Variants in YIF1A observed in about 807,000 individuals in gnomAD.
The protein encoded by YIF1A is Yip1 interacting factor homolog A, membrane trafficking protein, also known as protein YIF1A.
Under a neutral mutation model 32.6 loss-of-function variants are expected in YIF1A, and 28 were observed. That is an observed-to-expected ratio of 0.86 (90% confidence interval 0.64 to 1.18). The LOEUF (loss-of-function observed/expected upper bound fraction) is 1.18, where lower values mean the gene tolerates loss of function less well. Among genes scored for constraint, YIF1A ranks in the 50% most tolerant of loss-of-function variants. The probability of loss-of-function intolerance (pLI) is 0.00; values close to 1 mark genes in which losing one functional copy is unlikely to be tolerated. For synonymous variants in YIF1A, 175 were observed against 162.2 expected (o/e 1.08, Z -0.60); for missense variants, 373 against 390.8 (o/e 0.95, Z 0.38).
chr11:66,287,555 G>T, intron 4 of YIF1A, 43 bp downstream of exon 4: 1 of 640,110 alleles, frequency 1.6e-6, no homozygotes. Flanking sequence ...AGTCCCCCCC[G>T]ACCCCACCCC....
rs1336308823 is a variant in YIF1A at position 66,288,999 on chromosome 11, G to C, written c.-14C>G. 1 of 1,578,052 alleles carries C rather than the reference G, an allele frequency of 6.3e-7. No homozygotes were observed. The highest frequency in any genetic ancestry group is 8.5e-7 in the Non-Finnish European group (1 of 1,170,264). On this transcript the variant is annotated 5_prime_UTR_variant, in exon 1 of 8. Coordinates refer to ENST00000376901, the MANE Select transcript of YIF1A (RefSeq NM_020470.3). ...GTGATAAGCCATGGCCGCGACGCTC[G>C]CTGTCCCCGAGGGCCCGCTGCGCCG...
chr11:66,286,315 C>T (rs1857356492), intron 4 of YIF1A, among the ~76,000 whole-genome samples: 1 of 152,216 alleles, frequency 6.6e-6, no homozygotes, highest in Non-Finnish European at 1.5e-5. Context: ...GTCTTCTGCC[C>T]CGCTTAAAGC....
chr11:66,285,673 G>T, intron 5 of YIF1A, 28 bp downstream of exon 5: 1 of 1,613,134 alleles, frequency 6.2e-7, no homozygotes. Flanking sequence ...ACAGGGAGGG[G>T]AGGGTAAGGG....
intron 1 of YIF1A, 54 bp from the exon 2 acceptor site, chr11:66,288,346 A>G: frequency 6.2e-7 from 1 of 1,605,440 alleles, no homozygotes; most frequent in South Asian, 1.1e-5. Flanking sequence ...CATGAGCCCA[A>G]ACCACCGCCC....
chr11:66,285,738 C>CGTA lies in YIF1A; in HGVS notation c.445_447dup (p.Tyr149dup). 6.2e-7 allele frequency: 1 copy of CGTA among 1,613,136 alleles called. No individual in the cohort carries two copies. Among genetic ancestry groups the CGTA allele is most frequent in the Non-Finnish European group, 8.5e-7 (1 of 1,179,894 alleles). On this transcript the variant is annotated inframe_insertion, in exon 5 of 8. Coordinates refer to ENST00000376901, the MANE Select transcript of YIF1A (RefSeq NM_020470.3). ...CCCAGTGCCATCCCAGCCAGGAGCACGTAAGTAATGAAGGCCATCGCTGCC... is the reference window on the plus strand; with the variant it reads ...CCCAGTGCCATCCCAGCCAGGAGCACGTAGTAAGTAATGAAGGCCATCGCTGCC...
rs966569285 is a variant in YIF1A, at chr11:66,284,899, T to C, written c.709A>G (p.Thr237Ala). 8.7e-6 allele frequency: 14 copies of C among 1,612,790 alleles called. No homozygotes were observed. Among genetic ancestry groups the C allele is most frequent in the Non-Finnish European group, 6.8e-6 (8 of 1,179,922 alleles). ...SDGYYVALAW[T>A]SSALMYFIVR... ...ATGAAGTACATGAGCGCCGATGAGG[T>C]CCAGGCCAGCGCCACGTAGTAGCCA... The change falls in exon 7 of 8, where the codon ACC (threonine) becomes GCC (alanine). Residue 237 changes from threonine to alanine, a missense_variant. Physicochemically the swap from Thr to Ala is moderately conservative, Grantham distance 58. Coordinates refer to ENST00000376901, the MANE Select transcript of YIF1A (RefSeq NM_020470.3).
Position 66,288,153 on chromosome 11 carries a change from G to T in YIF1A, c.171C>A (p.Asp57Glu). ...VAFSVNHLLG[D>E]PMANVAMAYG... The stretch of plus-strand genomic sequence containing the variant: ...AGGCCATAGCCACATTGGCCATTGG[G>T]TCCCCAAGCAAGTGGTTGACACTGA... Residue 57 changes from aspartate to glutamate, a missense_variant, in exon 2 of 8, where the codon GAC (aspartate) becomes GAA (glutamate). Transcript: ENST00000376901. The T allele has an allele frequency of 6.2e-7, 1 of 1,614,166 alleles. No individual in the cohort carries two copies. Among genetic ancestry groups the T allele is most frequent in the Non-Finnish European group, 8.5e-7 (1 of 1,180,036 alleles).
intron 4 of YIF1A, 91 bp downstream of exon 4, chr11:66,287,507 T>C (rs1323805499): frequency 7.2e-7 from 1 of 1,393,616 alleles, no homozygotes; most frequent in Admixed American, 2.0e-5. Flanking sequence ...GCTGACTCAG[T>C]AGCTGCGCCT....
intron 6 of YIF1A, 171 bp downstream of exon 6, chr11:66,285,210 C>A (rs1590894918): frequency 8.1e-6 from 9 of 1,108,224 alleles, no homozygotes; most frequent in Non-Finnish European, 1.2e-5. Context: ...ACCTCCCCAA[C>A]CTCTGCATGG....
chr11:66,286,947 T>A (rs1203203233), intron 4 of YIF1A: 1 of 153,930 alleles, frequency 6.5e-6, no homozygotes, highest in Non-Finnish European at 1.4e-5. Context: ...TCACCCTGGG[T>A]GTCCACGATG....
In YIF1A at chr11:66,288,918, C is replaced by T. The variant is rs778273731; in HGVS notation, c.31+37G>A. Reference sequence around the variant, plus strand: ...CGGGCCACGCCGCCGACTCTCCCCCCGCCGGCCGCGCCGCGCCCCGCCCGC... The same window carrying T: ...CGGGCCACGCCGCCGACTCTCCCCCTGCCGGCCGCGCCGCGCCCCGCCCGC... On this transcript the variant is annotated intron_variant, in intron 1 of 7. Transcript: ENST00000376901. 6 of 1,460,734 alleles carry T rather than the reference C, an allele frequency of 4.1e-6. No homozygotes were observed. In the Admixed American group the frequency reaches 1.7e-4, roughly 41 times the overall value. The allele number at this position is 1,460,734 out of a possible 1,614,324, so 90.5% of individuals were successfully genotyped here.
chr11:66,284,861 C>T lies in YIF1A; in HGVS notation c.735+12G>A, dbSNP rs778064329. 4 of 1,612,986 alleles carry T rather than the reference C, an allele frequency of 2.5e-6. No homozygotes were observed. Among genetic ancestry groups the T allele is most frequent in the Middle Eastern group, 1.7e-4 (1 of 6,054 alleles). Reference sequence around the variant, plus strand: ...GTGAAGGCAGGGGAATGGGGGGGTGCACCAGACTCACAATGAAGTACATGA... The same window carrying T: ...GTGAAGGCAGGGGAATGGGGGGGTGTACCAGACTCACAATGAAGTACATGA... On this transcript the variant is annotated intron_variant, in intron 7 of 7. Transcript: ENST00000376901.
chr11:66,285,836 C>T (rs947963115), intron 4 of YIF1A, 78 bp from the exon 5 acceptor site: 2 of 1,499,208 alleles, frequency 1.3e-6, no homozygotes, highest in Admixed American at 1.8e-5. Context: ...GGTTCACCGA[C>T]ATGTCCCATA....
In YIF1A at chr11:66,288,956, G is replaced by A. The variant is rs746052941; in HGVS notation, c.30C>T (p.His10=). Residue 10 remains histidine (H), a splice_region_variant and synonymous_variant, in exon 1 of 8, where the codon CAC becomes CAT. Transcript: ENST00000376901. ...GCGCCCCGCCCGCGCCCCACGCACCGTGGGCTCCGTAGCCCGAGTGATAAG... is the reference window on the plus strand; with the variant it reads ...GCGCCCCGCCCGCGCCCCACGCACCATGGGCTCCGTAGCCCGAGTGATAAG... MAYHSGYGA[H]GSKHRARAAP... is the part of the protein sequence containing the mutation. The A allele has an allele frequency of 1.3e-6, 2 of 1,549,942 alleles. No homozygotes were observed. Among genetic ancestry groups the A allele is most frequent in the South Asian group, 1.2e-5 (1 of 84,766 alleles).
At position 66,284,671 on chromosome 11, in the gene YIF1A, A is replaced by G. The variant is rs762098615; in HGVS notation, c.848T>C (p.Ile283Thr). 2.0e-5 allele frequency: 33 copies of G among 1,612,826 alleles called. No homozygotes were observed. The highest frequency in any genetic ancestry group is 2.8e-5 in the Non-Finnish European group (33 of 1,179,942). ...CAGGTGGAAAGTCAGCCAGTATATGATGAGGGGCTGGAAGGCTGCAGCTCC... is the reference window on the plus strand; with the variant it reads ...CAGGTGGAAAGTCAGCCAGTATATGGTGAGGGGCTGGAAGGCTGCAGCTCC... ...TLGAAAFQPL[I>T]IYWLTFHLVR is the part of the protein sequence containing the mutation. The change falls in exon 8 of 8, where the codon ATC becomes ACC. Residue 283 changes from isoleucine to threonine, a missense_variant. Transcript: ENST00000376901.
Position 66,287,636 on chromosome 11 carries a change from G to C in YIF1A, c.389C>G (p.Pro130Arg), listed in dbSNP as rs139558494. ...GTCAGGGGCGTTGAGGTCTTGCCGG[G>C]GGGGCAGAGGAGCATCACGACTGTA... ...VQYSRDAPLP[P>R]RQDLNAPDLY... is the part of the protein sequence containing the mutation. Residue 130 changes from proline to arginine, a missense_variant, in exon 4 of 8, where the codon CCC (proline) becomes CGC (arginine). By Grantham distance (103) the Pro-to-Arg change is moderately radical. Transcript: ENST00000376901. The C allele has an allele frequency of 3.8e-4, 613 of 1,613,710 alleles. 6 individuals carry two copies. In the East Asian group the frequency reaches 0.013, roughly 33 times the overall value.
chr11:66,285,129 C>A, intron 6 of YIF1A, 163 bp from the exon 7 acceptor site: 1 of 884,528 alleles, frequency 1.1e-6, no homozygotes, highest in Non-Finnish European at 1.7e-6. Flanking sequence ...TATGGAAGGC[C>A]CAGGACTCAG....
At chr11:66,288,674 C>G (rs1343222405) in intron 1 of YIF1A, among the ~76,000 whole-genome samples, 1 of 152,234 alleles carries the variant, frequency 6.6e-6, no homozygotes, top group East Asian at 1.9e-4. Context: ...TACCTGGAGG[C>G]CCTGGACAGT....
Position 66,289,079 on chromosome 11 carries a change from G to A in YIF1A, c.-94C>T, listed in dbSNP as rs947552533. ...CTGCTCCGCGCCCAGGGTACCGACC[G>A]AGGCCACCCGGCCGCGCGACACGTC... On this transcript the variant is annotated 5_prime_UTR_variant, in exon 1 of 8. Coordinates refer to ENST00000376901, the MANE Select transcript of YIF1A (RefSeq NM_020470.3). The A allele has an allele frequency of 2.1e-6, 3 of 1,444,208 alleles. No individual in the cohort carries two copies. 89.5% of individuals were successfully genotyped at this position (1,444,208 alleles called of 1,614,324 possible). A position where few individuals can be genotyped will look rare whatever the true frequency, so the allele number is the denominator to read the frequency against.
Sources: gnomAD v4.1 joint callset for allele counts (sites outside exome capture counted in the v4.1 genomes callset) on GRCh38, gnomAD v4.1.1 for gene constraint, MANE v1.5 for transcripts, NCBI Gene and HGNC (gene_info 2026-07-23, HGNC 2026-07-21) for gene names.